The following KCNIP4 variants were observed in gnomAD, a reference collection of about 807,000 sequenced individuals.
KCNIP4 encodes potassium voltage-gated channel interacting protein 4, also known as Kv channel-interacting protein 4.
A neutral mutation model predicts 34.0 loss-of-function variants in KCNIP4; 12 were observed. The observed-to-expected ratio is 0.35, with a 90% CI of 0.23 to 0.57. The LOEUF (loss-of-function observed/expected upper bound fraction) is 0.57. KCNIP4 is among the 20% of genes least tolerant of loss of function. The probability of loss-of-function intolerance (pLI) is 0.83; values close to 1 mark genes in which losing one functional copy is unlikely to be tolerated. For synonymous variants in KCNIP4, 124 were observed against 102.2 expected (o/e 1.21, Z -1.29); for missense variants, 238 against 311.7 (o/e 0.76, Z 1.78).
intron 3 of KCNIP4, among the ~76,000 whole-genome samples, chr4:20,762,949 G>A (rs1755070450): frequency 1.4e-5 from 1 of 73,280 alleles, no homozygotes; most frequent in African/African-American, 7.6e-5. Flanking sequence ...TTCTTCACAA[G>A]GCAGCAAGAA....
chr4:21,332,909 CCTCT>C (rs146768250), intron 1 of KCNIP4, among the ~76,000 whole-genome samples: 1 of 151,948 alleles, frequency 6.6e-6, no homozygotes, highest in Non-Finnish European at 1.5e-5. Flanking sequence ...GTATTACCTG[CCTCT>C]CTAATTGTTC....
chr4:21,761,008 T>C (rs1038072038), intron 1 of KCNIP4, among the ~76,000 whole-genome samples: 5 of 152,150 alleles, frequency 3.3e-5, no homozygotes, highest in Admixed American at 3.3e-4. Context: ...CTCATAAAAT[T>C]AAATAACGTT....
chr4:21,676,109 T>C (rs1294341346), intron 1 of KCNIP4, among the ~76,000 whole-genome samples: 1 of 152,184 alleles, frequency 6.6e-6, no homozygotes, highest in Non-Finnish European at 1.5e-5. Flanking sequence ...ATGATGGGAC[T>C]AGGGTGGAGC....
intron 1 of KCNIP4, among the ~76,000 whole-genome samples, chr4:20,988,412 A>G (rs1476780156): frequency 2.0e-5 from 3 of 152,186 alleles, no homozygotes; most frequent in East Asian, 1.9e-4. Flanking sequence ...ATCCATTGTG[A>G]TCCTTTAAAT....
intron 1 of KCNIP4, among the ~76,000 whole-genome samples, chr4:21,835,579 G>A (rs1993036): frequency 9.4e-5 from 10 of 106,090 alleles, no homozygotes; most frequent in Admixed American, 2.5e-4. Flanking sequence ...GTTTTCTTAC[G>A]TTTTTTTTTG....
chr4:21,379,278 ACTT>A (rs1425317199), intron 1 of KCNIP4, among the ~76,000 whole-genome samples: 2 of 152,090 alleles, frequency 1.3e-5, no homozygotes, highest in African/African-American at 4.8e-5. Context: ...AAATCCAACT[ACTT>A]CTCACCACTT....
intron 1 of KCNIP4, among the ~76,000 whole-genome samples, chr4:21,790,200 T>C (rs548192109): frequency 5.3e-5 from 8 of 152,304 alleles, no homozygotes; most frequent in Non-Finnish European, 8.8e-5. Flanking sequence ...ATAAAAATGA[T>C]ACAAACTAAG....
intron 1 of KCNIP4, chr4:21,316,450 G>T (rs943809160): frequency 1.3e-5 from 2 of 152,138 alleles, no homozygotes; most frequent in African/African-American, 4.8e-5. Flanking sequence ...ACCATGTCTA[G>T]AATTCAACCA....
At chr4:21,040,984 T>A (rs531847710) in intron 1 of KCNIP4, among the ~76,000 whole-genome samples, 1 of 151,830 alleles carries the variant, frequency 6.6e-6, no homozygotes, top group African/African-American at 2.4e-5. Flanking sequence ...AATTACCATG[T>A]AAGACCAGAC....
chr4:21,792,783 A>T (rs1275472418), intron 1 of KCNIP4, among the ~76,000 whole-genome samples: 3 of 152,224 alleles, frequency 2.0e-5, no homozygotes, highest in Admixed American at 2.0e-4. Flanking sequence ...AGAATCTCTG[A>T]TTGTGAAGGG....
chr4:20,824,633 T>A (rs1717505827), intron 3 of KCNIP4, among the ~76,000 whole-genome samples: 1 of 152,110 alleles, frequency 6.6e-6, no homozygotes, highest in South Asian at 2.1e-4. Flanking sequence ...TGAGCCGAGA[T>A]TGCACTTCTG....
At chr4:21,033,034 T>C (rs932938721) in intron 1 of KCNIP4, among the ~76,000 whole-genome samples, 8 of 152,124 alleles carry the variant, frequency 5.3e-5, no homozygotes, top group African/African-American at 1.7e-4. Flanking sequence ...TTTTAGATAT[T>C]AGACAGTTAG....
chr4:21,741,658 G>A (rs1038558244), intron 1 of KCNIP4, among the ~76,000 whole-genome samples: 1 of 152,132 alleles, frequency 6.6e-6, no homozygotes, highest in African/African-American at 2.4e-5. Flanking sequence ...AGACAGAAGC[G>A]TATTTATAGT....
intron 1 of KCNIP4, among the ~76,000 whole-genome samples, chr4:21,866,197 T>C (rs1386063001): frequency 2.0e-5 from 3 of 152,136 alleles, no homozygotes; most frequent in African/African-American, 2.4e-5. Context: ...GCAGCTTAAA[T>C]TGAAATTGGT....
chr4:21,648,599 T>A (rs529913388), intron 1 of KCNIP4, among the ~76,000 whole-genome samples: 2 of 152,182 alleles, frequency 1.3e-5, no homozygotes, highest in East Asian at 1.9e-4. Flanking sequence ...GTCGTTTACA[T>A]CAATTTCAAA....
In KCNIP4 at chr4:21,044,979, T is replaced by C. The variant is rs548629684; in HGVS notation, c.62-162270A>G. On this transcript the variant is annotated intron_variant, in intron 1 of 8. Transcript: ENST00000382152. ...GTTTGTAGTAAGGATAAATGAGATC[T>C]TACATATGGAAGAGACAAGTGAAGG... Among the ~76,000 whole-genome samples, 4 of 152,316 alleles carry C rather than the reference T, an allele frequency of 2.6e-5. No individual in the cohort carries two copies. The East Asian group carries it at 7.7e-4, about 29-fold the overall frequency.
chr4:21,638,731 G>C (rs990324374), intron 1 of KCNIP4, among the ~76,000 whole-genome samples: 1 of 152,176 alleles, frequency 6.6e-6, no homozygotes, highest in African/African-American at 2.4e-5. Flanking sequence ...CATTAAAAAT[G>C]CTCCATCTAG....
At chr4:21,624,657 T>C (rs1560572078) in intron 1 of KCNIP4, among the ~76,000 whole-genome samples, 1 of 152,170 alleles carries the variant, frequency 6.6e-6, no homozygotes, top group African/African-American at 2.4e-5. Context: ...ATTCATGTTT[T>C]TACTGGAGTC....
chr4:21,581,660 T>G (rs1224798597), intron 1 of KCNIP4, among the ~76,000 whole-genome samples: 1 of 152,018 alleles, frequency 6.6e-6, no homozygotes, highest in African/African-American at 2.4e-5. Flanking sequence ...TTTTGCATAA[T>G]GCATTCTCAA....
Sources: allele counts gnomAD v4.1 joint callset (sites outside exome capture counted in the v4.1 genomes callset), GRCh38; gene constraint gnomAD v4.1.1; transcripts MANE v1.5; gene names NCBI Gene and HGNC (gene_info 2026-07-23, HGNC 2026-07-21).